STXBP5L: variants seen among roughly 807,000 people sequenced by gnomAD.
STXBP5L encodes syntaxin-binding protein 5-like.
STXBP5L carries 65 observed loss-of-function variants against 144.5 expected under a neutral mutation model. That is an observed-to-expected ratio of 0.45 (90% CI 0.37 to 0.55). The LOEUF is 0.55. Among genes scored for constraint, STXBP5L ranks in the 20% least tolerant of loss-of-function variants. STXBP5L has a pLI of 0.00. For missense variants in STXBP5L, 1,298 were observed against 1,405.5 expected (o/e 0.92, Z 1.22); for synonymous variants, 505 against 469.6 (o/e 1.08, Z -0.97).
intron 20 of STXBP5L, among the ~76,000 whole-genome samples, chr3:121,325,567 A>G (rs911820320): frequency 6.6e-6 from 1 of 151,900 alleles, no homozygotes; most frequent in South Asian, 2.1e-4. Context: ...TGTTTTAACA[A>G]AGAAATTTAA....
At chr3:121,315,517 A>G (rs1013140345) in intron 19 of STXBP5L, among the ~76,000 whole-genome samples, 1 of 151,360 alleles carries the variant, frequency 6.6e-6, no homozygotes, top group Non-Finnish European at 1.5e-5. Flanking sequence ...TAGCATTAGG[A>G]GATATACCTA....
At chr3:121,058,165 C>T (rs905175993) in intron 5 of STXBP5L, among the ~76,000 whole-genome samples, 10 of 152,132 alleles carry the variant, frequency 6.6e-5, no homozygotes, top group Non-Finnish European at 1.0e-4. Flanking sequence ...GTGATATTCC[C>T]CTCCCTGTGT....
intron 5 of STXBP5L, among the ~76,000 whole-genome samples, chr3:121,086,316 A>G (rs1220374424): frequency 5.3e-5 from 8 of 152,164 alleles, no homozygotes; most frequent in Non-Finnish European, 1.2e-4. Context: ...TCTTAGACAC[A>G]AAGATTACAA....
intron 10 of STXBP5L, 129 bp from the exon 11 acceptor site, chr3:121,222,874 C>T (rs1430235674): frequency 1.5e-5 from 14 of 932,840 alleles, no homozygotes; most frequent in South Asian, 4.5e-5. Context: ...AATTTTGAGC[C>T]GGGCAAGTTT....
At chr3:121,390,366 T>TC (rs2046549209) in intron 22 of STXBP5L, among the ~76,000 whole-genome samples, 1 of 152,194 alleles carries the variant, frequency 6.6e-6, no homozygotes, top group Admixed American at 6.5e-5. Context: ...GTCTTTTAAT[T>TC]GGGGCATTTA....
chr3:121,224,133 A>C (rs2049050812), intron 11 of STXBP5L, among the ~76,000 whole-genome samples: 1 of 152,120 alleles, frequency 6.6e-6, no homozygotes, highest in African/African-American at 2.4e-5. Context: ...TCTGCCACTT[A>C]CTAGCTAGGT....
intron 8 of STXBP5L, among the ~76,000 whole-genome samples, chr3:121,153,693 T>C (rs2046013506): frequency 6.6e-6 from 1 of 151,916 alleles, no homozygotes; most frequent in Non-Finnish European, 1.5e-5. Flanking sequence ...GCACAATTCG[T>C]TATCAGTCAT....
intron 2 of STXBP5L, among the ~76,000 whole-genome samples, chr3:120,933,329 C>T (rs371563045): frequency 4.6e-5 from 7 of 152,056 alleles, no homozygotes; most frequent in African/African-American, 9.7e-5. Flanking sequence ...CATTAGCTGA[C>T]GCAGTTATTT....
At chr3:121,065,474 A>G (rs2041500771) in intron 5 of STXBP5L, among the ~76,000 whole-genome samples, 1 of 152,200 alleles carries the variant, frequency 6.6e-6, no homozygotes, top group South Asian at 2.1e-4. Context: ...ATTGCTATAT[A>G]ACAATGTTAC....
At chr3:120,964,747 G>A (rs1020945374) in intron 3 of STXBP5L, among the ~76,000 whole-genome samples, 1 of 152,178 alleles carries the variant, frequency 6.6e-6, no homozygotes, top group Admixed American at 6.5e-5. Flanking sequence ...TGTATATTCT[G>A]TTGATTTGGG....
chr3:120,959,979 T>G (rs1473548938), intron 3 of STXBP5L, among the ~76,000 whole-genome samples: 4 of 152,040 alleles, frequency 2.6e-5, no homozygotes, highest in African/African-American at 9.7e-5. Context: ...ACCTATAGAA[T>G]GGAAGAAAAT....
At chr3:121,168,366 A>C (rs144895961) in intron 9 of STXBP5L, among the ~76,000 whole-genome samples, 1 of 152,334 alleles carries the variant, frequency 6.6e-6, no homozygotes, top group South Asian at 2.1e-4. Context: ...AGTAGGCTTC[A>C]GGAGGTGAGT....
chr3:121,346,299 G>A (rs955846374), intron 20 of STXBP5L, among the ~76,000 whole-genome samples: 6 of 152,028 alleles, frequency 3.9e-5, no homozygotes, highest in Non-Finnish European at 7.4e-5. Flanking sequence ...TTTTATGGTT[G>A]CATAGTATTC....
At position 121,240,516 on chromosome 3, in the gene STXBP5L, A is replaced by G. The variant is rs768013079; in HGVS notation, c.1400+9A>G. ...GAAATTATTATTACTGGGTAAGTAG[A>G]TGTGTTTTGTGAGTTATTAGTTCAT... On this transcript the variant is annotated intron_variant, in intron 14 of 26. Coordinates refer to ENST00000471454, the MANE Select transcript of STXBP5L (RefSeq NM_001308330.2). The G allele has an allele frequency of 3.1e-6, 5 of 1,612,650 alleles. No homozygotes were observed. Among genetic ancestry groups the G allele is most frequent in the Non-Finnish European group, 4.2e-6 (5 of 1,179,234 alleles).
chr3:121,089,211 A>T (rs2042654735), intron 5 of STXBP5L, among the ~76,000 whole-genome samples: 1 of 150,082 alleles, frequency 6.7e-6, no homozygotes, highest in Admixed American at 6.6e-5. Flanking sequence ...TTTTTCCCAT[A>T]CTTGATTTTT....
Position 121,041,720 on chromosome 3 carries a change from A to G in STXBP5L, c.308A>G (p.Asp103Gly), listed in dbSNP as rs1338445463. The G allele has an allele frequency of 6.2e-7, 1 of 1,612,412 alleles. No individual in the cohort carries two copies. The change falls in exon 4 of 27, where the codon GAT becomes GGT. Residue 103 changes from aspartate to glycine, a missense_variant. Coordinates refer to ENST00000471454, the MANE Select transcript of STXBP5L (RefSeq NM_001308330.2). Reference protein sequence around the residue: ...AIRILGRPGVDCYCQHESGAA... With the variant: ...AIRILGRPGVGCYCQHESGAA... ...ATTAGACTCGGGAGACCTGGTGTTG[A>G]TTGCTATTGCCAACATGAAAGTGGT...
At chr3:121,187,666 G>C (rs1193904215) in intron 9 of STXBP5L, among the ~76,000 whole-genome samples, 3 of 150,852 alleles carry the variant, frequency 2.0e-5, no homozygotes, top group Non-Finnish European at 4.4e-5. Context: ...GCATCATAAA[G>C]ACATGATCAA....
chr3:121,117,460 A>G (rs547652379), intron 6 of STXBP5L, among the ~76,000 whole-genome samples: 26 of 151,884 alleles, frequency 1.7e-4, no homozygotes, highest in South Asian at 1.2e-3. Flanking sequence ...CCAATTTCCA[A>G]TCTCCTGGAA....
chr3:121,411,059 C>A (rs2047104477), intron 23 of STXBP5L, among the ~76,000 whole-genome samples: 1 of 152,170 alleles, frequency 6.6e-6, no homozygotes, highest in African/African-American at 2.4e-5. Flanking sequence ...TCTTAAGGAG[C>A]TTAGTTACCA....
Sources: gnomAD v4.1 joint callset for allele counts (sites outside exome capture counted in the v4.1 genomes callset) on GRCh38, gnomAD v4.1.1 for gene constraint, MANE v1.5 for transcripts, NCBI Gene and HGNC (gene_info 2026-07-23, HGNC 2026-07-21) for gene names.